Variants in CHST7 observed in about 807,000 individuals in gnomAD.
CHST7 encodes the protein N-acetylglucosamine 6-O-sulfotransferase 4.
Under a neutral mutation model 9.0 loss-of-function variants are expected in CHST7, and 5 were observed. The observed-to-expected ratio is 0.56, with a 90% CI of 0.29 to 1.17. The LOEUF (loss-of-function observed/expected upper bound fraction) is 1.17, where lower values mean the gene tolerates loss of function less well. Among genes scored for constraint, CHST7 ranks in the 50% most tolerant of loss-of-function variants. CHST7 has a pLI of 0.08. For missense variants in CHST7, 377 were observed against 485.1 expected (o/e 0.78, Z 2.09); for synonymous variants, 244 against 237.1 (o/e 1.03, Z -0.27).
intron 1 of CHST7, among the ~76,000 whole-genome samples, chrX:46,596,926 A>G (rs1212361889): frequency 7.6e-5 from 7 of 92,332 alleles, no homozygotes; most frequent in African/African-American, 2.6e-4. Flanking sequence ...CAGCCTGGGC[A>G]ACAGAGTGAG....
chrX:46,598,001 G>A lies in CHST7; in HGVS notation c.*273G>A, dbSNP rs1942605075. The A allele has an allele frequency of 8.9e-6, 1 of 112,656 alleles. No individual in the cohort carries two copies. Among genetic ancestry groups the A allele is most frequent in the South Asian group, 3.7e-4 (1 of 2,706 alleles). The allele number at this position is 112,656 out of a possible 1,213,427, so 9.3% of individuals were successfully genotyped here. A position where few individuals can be genotyped will look rare whatever the true frequency, so the allele number is the denominator to read the frequency against. ...GATATTTATGGCTGTAAAATAGGAA[G>A]AGCTTTAGTTCCCAGGCTGAACCTG... On this transcript the variant is annotated 3_prime_UTR_variant, in exon 2 of 2. Coordinates refer to ENST00000276055, the MANE Select transcript of CHST7 (RefSeq NM_019886.4).
chrX:46,575,153 A>G lies in CHST7; in HGVS notation c.1222A>G (p.Met408Val). Residue 408 changes from methionine (M) to valine (V), a missense_variant, in exon 1 of 2, where the codon ATG becomes GTG. Transcript: ENST00000276055. ...LAALDAFALNMTRGAAYGADR... is the reference protein window; with the variant it reads ...LAALDAFALNVTRGAAYGADR... The stretch of plus-strand genomic sequence containing the variant: ...AGCGCTCGATGCCTTCGCGCTCAAC[A>G]TGACTCGCGGCGCGGCCTACGGCGC... 3 of 1,095,870 alleles carry G rather than the reference A, an allele frequency of 2.7e-6. No homozygotes were observed. The highest frequency in any genetic ancestry group is 3.5e-6 in the Non-Finnish European group (3 of 848,169). 90.3% of individuals were successfully genotyped at this position (1,095,870 alleles called of 1,213,427 possible).
chrX:46,579,867 C>T (rs1942516584), intron 1 of CHST7, among the ~76,000 whole-genome samples: 1 of 110,174 alleles, frequency 9.1e-6, no homozygotes, highest in South Asian at 3.9e-4. Context: ...TGGCGCGCAT[C>T]TGTAGTCCCA....
chrX:46,585,883 C>T (rs965540784), intron 1 of CHST7, among the ~76,000 whole-genome samples: 1 of 110,906 alleles, frequency 9.0e-6, no homozygotes, highest in Non-Finnish European at 1.9e-5. Flanking sequence ...GTATCTGGGA[C>T]TACAGGCACC....
At position 46,575,221 on chromosome X, in the gene CHST7, G is replaced by A. The variant is rs929115294; in HGVS notation, c.1290G>A (p.Ala430=). ...TGTCAGCGCGCGACGCCCGGGAGGC[G>A]GTGCACGCCTGGCGCGAGCGCCTGA... The part of the protein sequence containing the change: ...FHLSARDARE[A]VHAWRERLSR... Residue 430 remains alanine, a synonymous_variant, in exon 1 of 2, where the codon GCG becomes GCA. Coordinates refer to ENST00000276055, the MANE Select transcript of CHST7 (RefSeq NM_019886.4). 17 of 1,098,504 alleles carry A rather than the reference G, an allele frequency of 1.5e-5. 1 individual carries two copies. In the African/African-American group the frequency reaches 1.9e-4, roughly 12 times the overall value. The allele number at this position is 1,098,504 out of a possible 1,213,427, so 90.5% of individuals were successfully genotyped here.
intron 1 of CHST7, among the ~76,000 whole-genome samples, chrX:46,581,658 C>T (rs1319629131): frequency 9.5e-6 from 1 of 105,116 alleles, no homozygotes; most frequent in Non-Finnish European, 2.0e-5. Flanking sequence ...TGCAATGGCA[C>T]GATCTCGGCT....
chrX:46,582,816 A>T (rs1942531338), intron 1 of CHST7, among the ~76,000 whole-genome samples: 1 of 111,094 alleles, frequency 9.0e-6, no homozygotes, highest in Non-Finnish European at 1.9e-5. Context: ...AATTAGGCTG[A>T]TTTTAAATAA....
At chrX:46,588,477 G>A (rs985019600) in intron 1 of CHST7, among the ~76,000 whole-genome samples, 2 of 111,308 alleles carry the variant, frequency 1.8e-5, no homozygotes, top group East Asian at 2.8e-4. Context: ...CTAAAAGCGC[G>A]TCTTCCTGAG....
chrX:46,586,520 A>G (rs1346551235), intron 1 of CHST7, among the ~76,000 whole-genome samples: 1 of 111,696 alleles, frequency 9.0e-6, no homozygotes, highest in Non-Finnish European at 1.9e-5. Context: ...GTGCTCTCCC[A>G]AATCCCTTCC....
chrX:46,597,165 G>A (rs183828846), intron 1 of CHST7, among the ~76,000 whole-genome samples: 13 of 111,385 alleles, frequency 1.2e-4, no homozygotes, highest in Non-Finnish European at 2.4e-4. Context: ...GATCACAGGA[G>A]AGCAAGAAAC....
In CHST7 at chrX:46,594,523, CAAAAAA is replaced by C. The variant is rs35615048; in HGVS notation, c.*32-3227_*32-3222del. 3.6e-5 allele frequency among the ~76,000 whole-genome samples: 3 copies of C among 82,805 alleles called. No homozygotes were observed. In the South Asian group the frequency reaches 1.8e-3, roughly 49 times the overall value. The allele number at this position is 82,805 out of a possible 115,157, so 71.9% of individuals were successfully genotyped here. A position where few individuals can be genotyped will look rare whatever the true frequency, so the allele number is the denominator to read the frequency against. ...GCCTGGGTGACAGTGAGACTCTGTC[CAAAAAA>C]AAAAAAAAAGAAAAATCTGGATTGG... is the stretch of plus-strand genomic sequence containing the variant. On this transcript the variant is annotated intron_variant, in intron 1 of 1. Transcript: ENST00000276055.
chrX:46,584,082 C>T (rs1036347464), intron 1 of CHST7, among the ~76,000 whole-genome samples: 10 of 111,935 alleles, frequency 8.9e-5, no homozygotes, highest in African/African-American at 2.9e-4. Context: ...GAAAGAGGGC[C>T]ACCACATTTG....
chrX:46,575,907 G>C (rs941812913), intron 1 of CHST7, among the ~76,000 whole-genome samples: 1 of 111,887 alleles, frequency 8.9e-6, no homozygotes, highest in Admixed American at 9.4e-5. Context: ...CAAAAGCAGA[G>C]AGTTTGGTGG....
Position 46,574,933 on chromosome X carries a change from G to A in CHST7, c.1002G>A (p.Ala334=), listed in dbSNP as rs1198476763. 7.9e-6 allele frequency: 9 copies of A among 1,145,320 alleles called. No homozygotes were observed. In the Admixed American group the frequency reaches 2.3e-4, roughly 29 times the overall value. The allele number at this position is 1,145,320 out of a possible 1,213,427, so 94.4% of individuals were successfully genotyped here. The change falls in exon 1 of 2, where the codon GCG becomes GCA. Residue 334 remains alanine, a synonymous_variant. Transcript: ENST00000276055. ...PGGQSRALPA[A]PRADFFLTGA... ...GCCAGTCTCGCGCGCTGCCCGCCGC[G>A]CCGCGCGCCGATTTCTTCCTGACCG...
At position 46,574,969 on chromosome X, in the gene CHST7, G is replaced by C; in HGVS notation, c.1038G>C (p.Glu346Asp). 6 of 1,157,573 alleles carry C rather than the reference G, an allele frequency of 5.2e-6. No individual in the cohort carries two copies. The South Asian group carries it at 1.2e-4, about 22-fold the overall frequency. Residue 346 changes from glutamate (E) to aspartate (D), a missense_variant, in exon 1 of 2, where the codon GAG becomes GAC. Physicochemically the swap from Glu to Asp is conservative, Grantham distance 45 (BLOSUM62 2). This residue lies in a region of CHST7 where 130 missense variants were observed against 134.9 expected (regional missense o/e 0.96). Coordinates refer to ENST00000276055, the MANE Select transcript of CHST7 (RefSeq NM_019886.4). The part of the protein sequence containing the change: ...RADFFLTGAL[E>D]VICEAWLRDL... ...ATTTCTTCCTGACCGGTGCGCTCGA[G>C]GTGATCTGCGAAGCCTGGCTGCGCG...
chrX:46,581,841 C>G (rs1205584077), intron 1 of CHST7, among the ~76,000 whole-genome samples: 4 of 110,844 alleles, frequency 3.6e-5, no homozygotes, highest in African/African-American at 1.3e-4. Flanking sequence ...GTGATCTGCC[C>G]GCCTCAGCCT....
rs1942487878 is a variant in CHST7, at chrX:46,574,771, G to T, written c.840G>T (p.Pro280=). 5.8e-6 allele frequency: 7 copies of T among 1,206,012 alleles called. No individual in the cohort carries two copies. Among genetic ancestry groups the T allele is most frequent in the Non-Finnish European group, 6.7e-6 (6 of 892,629 alleles). The change falls in exon 1 of 2, where the codon CCG becomes CCT. Residue 280 remains proline, a synonymous_variant. Coordinates refer to ENST00000276055, the MANE Select transcript of CHST7 (RefSeq NM_019886.4). ...NLKVVQLFRD[P]RAVHNSRLKS... ...AGGTGGTGCAGCTTTTCCGCGACCC[G>T]AGGGCGGTGCACAACTCGCGCCTCA...
chrX:46,595,778 C>T (rs924435853), intron 1 of CHST7, among the ~76,000 whole-genome samples: 4 of 111,327 alleles, frequency 3.6e-5, no homozygotes, highest in African/African-American at 9.8e-5. Flanking sequence ...ACATAATATT[C>T]GGAGTTTTTA....
Position 46,575,069 on chromosome X carries a change from C to T in CHST7, c.1138C>T (p.Arg380Trp), listed in dbSNP as rs780631772. 4.2e-4 allele frequency: 474 copies of T among 1,126,393 alleles called. 1 individual carries two copies. The highest frequency in any genetic ancestry group is 4.1e-4 in the Non-Finnish European group (357 of 862,330). The allele number at this position is 1,126,393 out of a possible 1,213,427, so 92.8% of individuals were successfully genotyped here. A position where few individuals can be genotyped will look rare whatever the true frequency, so the allele number is the denominator to read the frequency against. Residue 380 changes from arginine to tryptophan, a missense_variant, in exon 1 of 2, where the codon CGG becomes TGG. Arg to Trp is a moderately radical substitution (Grantham distance 101). Coordinates refer to ENST00000276055, the MANE Select transcript of CHST7 (RefSeq NM_019886.4). ...YLRLRYEDLV[R>W]QPRAQLRRLL... ...GAGGCTGCGCTATGAGGACCTGGTGCGGCAGCCACGCGCCCAGCTGCGCCG... is the reference window on the plus strand; with the variant it reads ...GAGGCTGCGCTATGAGGACCTGGTGTGGCAGCCACGCGCCCAGCTGCGCCG...
Sources: allele counts gnomAD v4.1 joint callset (sites outside exome capture counted in the v4.1 genomes callset), GRCh38; gene constraint gnomAD v4.1.1; regional missense constraint gnomAD v4.1.1; transcripts MANE v1.5; gene names NCBI Gene and HGNC (gene_info 2026-07-23, HGNC 2026-07-21).